MYCT1: variants seen among roughly 807,000 people sequenced by gnomAD.
MYCT1 encodes myc target protein 1.
A neutral mutation model predicts 15.0 loss-of-function variants in MYCT1; 12 were observed. The ratio of observed to expected loss-of-function variants is 0.80; its 90% confidence interval spans 0.51 to 1.29. The LOEUF is 1.29. Ranked by LOEUF, MYCT1 falls within the 50% of genes most tolerant of loss-of-function variation. The probability of loss-of-function intolerance (pLI) is 0.00; values close to 1 mark genes in which losing one functional copy is unlikely to be tolerated. For missense variants in MYCT1, 287 were observed against 279.1 expected (o/e 1.03, Z -0.20); for synonymous variants, 104 against 102.7 (o/e 1.01, Z -0.07).
At chr6:152,732,260 G>A in the MYCT1 span, among the ~76,000 whole-genome samples, 7 of 151,872 alleles carry the variant, frequency 4.6e-5, no homozygotes, top group South Asian at 4.2e-4. Context: ...GAAGATCCTC[G>A]GCCTAACAGA....
At chr6:152,729,745 C>T in the MYCT1 span, among the ~76,000 whole-genome samples, 1 of 152,168 alleles carries the variant, frequency 6.6e-6, no homozygotes, top group African/African-American at 2.4e-5. Context: ...CATATTTAAA[C>T]CTTGTGATCT....
intron 1 of MYCT1, among the ~76,000 whole-genome samples, chr6:152,706,657 G>A (rs2099722324): frequency 6.6e-6 from 1 of 152,016 alleles, no homozygotes; most frequent in African/African-American, 2.4e-5. Context: ...CCTAATTTTA[G>A]GCTAATGTAA....
chr6:152,705,680 T>C (rs960812881), intron 1 of MYCT1: 14 of 182,328 alleles, frequency 7.7e-5, no homozygotes, highest in South Asian at 1.8e-4. Context: ...TATTTTGAAT[T>C]TTGATCTTTA....
rs1462762209 is a variant in MYCT1, at chr6:152,722,116, A to G, written c.571A>G (p.Asn191Asp). The G allele has an allele frequency of 6.2e-7, 1 of 1,613,944 alleles. No homozygotes were observed. The highest frequency in any genetic ancestry group is 8.5e-7 in the Non-Finnish European group (1 of 1,180,020). The stretch of plus-strand genomic sequence containing the variant: ...TCAGCTGGTGACTCTCCCTTCTTCC[A>G]ATATCTCTCCCACCATCAGCACTTC... Reference protein sequence around the residue: ...ESQLVTLPSSNISPTISTSHS... With the variant: ...ESQLVTLPSSDISPTISTSHS... Residue 191 changes from asparagine to aspartate, a missense_variant, in exon 2 of 2, where the codon AAT (asparagine) becomes GAT (aspartate). Transcript: ENST00000367245.
chr6:152,740,315 G>T, the MYCT1 span, among the ~76,000 whole-genome samples: 1 of 152,090 alleles, frequency 6.6e-6, no homozygotes, highest in Non-Finnish European at 1.5e-5. Flanking sequence ...CTCCCAAAGT[G>T]CTGGGACTAT....
the MYCT1 span, among the ~76,000 whole-genome samples, chr6:152,732,926 C>T: frequency 6.6e-6 from 1 of 152,176 alleles, no homozygotes; most frequent in Non-Finnish European, 1.5e-5. Flanking sequence ...AACATTAGCG[C>T]CTTCTCACAG....
At chr6:152,744,442 G>T in the MYCT1 span, among the ~76,000 whole-genome samples, 1 of 150,940 alleles carries the variant, frequency 6.6e-6, no homozygotes, top group East Asian at 1.9e-4. Context: ...AGGACTCAAG[G>T]CTCTTTCCAA....
At chr6:152,701,681 A>T (rs1269421669) in intron 1 of MYCT1, among the ~76,000 whole-genome samples, 2 of 152,142 alleles carry the variant, frequency 1.3e-5, no homozygotes, top group Non-Finnish European at 2.9e-5. Flanking sequence ...TGTATTTCTC[A>T]TCAGCTTTTG....
intron 1 of MYCT1, among the ~76,000 whole-genome samples, chr6:152,700,968 A>G (rs1447729127): frequency 6.6e-6 from 1 of 152,154 alleles, no homozygotes; most frequent in Non-Finnish European, 1.5e-5. Context: ...GCGTCTATAC[A>G]TATGCTACAT....
At chr6:152,739,442 A>G in the MYCT1 span, among the ~76,000 whole-genome samples, 2 of 151,812 alleles carry the variant, frequency 1.3e-5, no homozygotes, top group Non-Finnish European at 2.9e-5. Flanking sequence ...AATGATTTTG[A>G]TATAGATTGA....
At chr6:152,736,516 C>T in the MYCT1 span, among the ~76,000 whole-genome samples, 1 of 151,994 alleles carries the variant, frequency 6.6e-6, no homozygotes, top group Non-Finnish European at 1.5e-5. Flanking sequence ...CAAAGGGAAT[C>T]GATAAATTTT....
downstream of MYCT1, among the ~76,000 whole-genome samples, chr6:152,727,226 A>AAT (rs1555097130): frequency 0.051 from 7,630 of 148,616 alleles, 271 homozygotes; most frequent in South Asian, 0.15. Context: ...AAAAAAAAAA[A>AAT]TATGGAAAGA....
intron 1 of MYCT1, among the ~76,000 whole-genome samples, chr6:152,705,477 G>A (rs2099722095): frequency 1.3e-5 from 2 of 151,820 alleles, no homozygotes; most frequent in Admixed American, 6.6e-5. Flanking sequence ...GTCCTTCTGT[G>A]CCTGGTTTAT....
At chr6:152,737,773 G>A in the MYCT1 span, among the ~76,000 whole-genome samples, 542 of 152,158 alleles carry the variant, frequency 3.6e-3, 4 homozygotes, top group Non-Finnish European at 5.6e-3. Flanking sequence ...GTTGTTTAAG[G>A]TTTCACAATT....
At chr6:152,736,845 C>A in the MYCT1 span, among the ~76,000 whole-genome samples, 1 of 152,028 alleles carries the variant, frequency 6.6e-6, no homozygotes, top group Non-Finnish European at 1.5e-5. Context: ...TTTGTACTTC[C>A]TCTTAAGAAA....
At chr6:152,730,222 T>G in the MYCT1 span, among the ~76,000 whole-genome samples, 5 of 152,238 alleles carry the variant, frequency 3.3e-5, no homozygotes, top group African/African-American at 1.2e-4. Flanking sequence ...TCTAACTGTA[T>G]GCTAGCATCT....
chr6:152,742,730 A>G, the MYCT1 span, among the ~76,000 whole-genome samples: 3 of 152,216 alleles, frequency 2.0e-5, no homozygotes, highest in Non-Finnish European at 4.4e-5. Context: ...TTGGAATCCC[A>G]CATTGATTTC....
chr6:152,705,225 G>A (rs1289549385), intron 1 of MYCT1, among the ~76,000 whole-genome samples: 2 of 152,122 alleles, frequency 1.3e-5, no homozygotes, highest in East Asian at 3.9e-4. Flanking sequence ...TAACTTAAAT[G>A]TGCTCAGAAC....
chr6:152,703,908 T>C (rs887133947), intron 1 of MYCT1, among the ~76,000 whole-genome samples: 1 of 151,998 alleles, frequency 6.6e-6, no homozygotes, highest in African/African-American at 2.4e-5. Flanking sequence ...TCCAGCTTTT[T>C]CTGCACAATT....
Sources: gnomAD v4.1 joint callset for allele counts (sites outside exome capture counted in the v4.1 genomes callset) on GRCh38, gnomAD v4.1.1 for gene constraint, MANE v1.5 for transcripts, NCBI Gene and HGNC (gene_info 2026-07-23, HGNC 2026-07-21) for gene names.